BBX: variants seen among roughly 807,000 people sequenced by gnomAD.
BBX encodes HMG box transcription factor BBX.
A neutral mutation model predicts 100.2 loss-of-function variants in BBX; 30 were observed. That is an observed-to-expected ratio of 0.30 (90% CI 0.22 to 0.41). The LOEUF is 0.41. BBX is among the 10% of genes least tolerant of loss of function. BBX has a pLI of 1.00. For synonymous variants in BBX, 376 were observed against 388.1 expected (o/e 0.97, Z 0.37); for missense variants, 1,023 against 1,129.8 (o/e 0.91, Z 1.35).
chr3:107,680,490 C>A (rs923607251), intron 3 of BBX, among the ~76,000 whole-genome samples: 2 of 151,966 alleles, frequency 1.3e-5, no homozygotes, highest in African/African-American at 4.8e-5. Flanking sequence ...GGTGACAGAG[C>A]CAAATTTATG....
At chr3:107,532,775 A>G (rs923705591) in intron 2 of BBX, among the ~76,000 whole-genome samples, 1 of 152,212 alleles carries the variant, frequency 6.6e-6, no homozygotes, top group African/African-American at 2.4e-5. Context: ...ATCAAAATTA[A>G]GTGACTTTGG....
chr3:107,579,546 A>G (rs1358978632), intron 2 of BBX, among the ~76,000 whole-genome samples: 1 of 152,218 alleles, frequency 6.6e-6, no homozygotes, highest in Non-Finnish European at 1.5e-5. Flanking sequence ...GAAGGGTCAC[A>G]TTATTTGAGT....
chr3:107,537,144 C>T (rs1559786229), intron 2 of BBX, among the ~76,000 whole-genome samples: 1 of 152,146 alleles, frequency 6.6e-6, no homozygotes, highest in East Asian at 1.9e-4. Context: ...AGGCCACTGA[C>T]ATTTTTTGGA....
At chr3:107,778,978 T>C (rs2067564375) in intron 13 of BBX, among the ~76,000 whole-genome samples, 1 of 126,754 alleles carries the variant, frequency 7.9e-6, no homozygotes, top group Non-Finnish European at 1.7e-5. Flanking sequence ...TAAAACTACC[T>C]GAAATCCTCC....
chr3:107,627,494 G>T (rs2056264998), intron 2 of BBX, among the ~76,000 whole-genome samples: 1 of 152,180 alleles, frequency 6.6e-6, no homozygotes, highest in South Asian at 2.1e-4. Context: ...TTTGAGGCAA[G>T]AATATTGATA....
At chr3:107,578,098 T>C (rs530450719) in intron 2 of BBX, among the ~76,000 whole-genome samples, 1 of 152,198 alleles carries the variant, frequency 6.6e-6, no homozygotes, top group African/African-American at 2.4e-5. Context: ...GCAATTCAAG[T>C]TTTCAGAACT....
intron 15 of BBX, among the ~76,000 whole-genome samples, chr3:107,797,897 C>T (rs939451535): frequency 3.3e-5 from 5 of 152,178 alleles, no homozygotes; most frequent in Non-Finnish European, 7.4e-5. Flanking sequence ...TAAATTATCT[C>T]ACTAAGTGTA....
intron 2 of BBX, among the ~76,000 whole-genome samples, chr3:107,557,163 G>A (rs2050148454): frequency 6.6e-6 from 1 of 152,184 alleles, no homozygotes; most frequent in South Asian, 2.1e-4. Context: ...CATAGAAGTA[G>A]CATTTGAAAT....
At position 107,745,317 on chromosome 3, in the gene BBX, A is replaced by G. The variant is rs186435216; in HGVS notation, c.750+607A>G. On this transcript the variant is annotated intron_variant, in intron 8 of 17. Coordinates refer to ENST00000325805, the MANE Select transcript of BBX (RefSeq NM_001142568.3). ...ACTCTGGAACTCAATATGAGCCCTC[A>G]CTGATACATTTTTTTCTTAAACTTT... Among the ~76,000 whole-genome samples the G allele has an allele frequency of 6.6e-5, 10 of 152,234 alleles. 2 individuals are homozygous for G. The highest frequency in any genetic ancestry group is 1.9e-4 in the African/African-American group (8 of 41,542).
chr3:107,635,496 T>C (rs2056795238), intron 2 of BBX, among the ~76,000 whole-genome samples: 1 of 152,192 alleles, frequency 6.6e-6, no homozygotes, highest in Non-Finnish European at 1.5e-5. Context: ...AGTATTTGTG[T>C]TGAAACCTGA....
At position 107,738,771 on chromosome 3, in the gene BBX, G is replaced by A. The variant is rs80064232; in HGVS notation, c.669+5748G>A. 7.2e-3 allele frequency among the ~76,000 whole-genome samples: 1,100 copies of A among 152,226 alleles called. 15 individuals carry two copies. Among genetic ancestry groups the A allele is most frequent in the African/African-American group, 0.025 (1,055 of 41,526 alleles). On this transcript the variant is annotated intron_variant, in intron 7 of 17. Coordinates refer to ENST00000325805, the MANE Select transcript of BBX (RefSeq NM_001142568.3). ...CTGAAGCTCATCACTGCCAGAGCAG[G>A]GGCATTTTGTGAGTGCTTTCTGGGG... is the stretch of plus-strand genomic sequence containing the variant.
At chr3:107,530,126 T>C (rs1354333343) in intron 2 of BBX, among the ~76,000 whole-genome samples, 1 of 152,200 alleles carries the variant, frequency 6.6e-6, no homozygotes. Flanking sequence ...GTTTGGTGGC[T>C]CACACCTGTA....
intron 3 of BBX, among the ~76,000 whole-genome samples, chr3:107,707,778 AC>A (rs2061474655): frequency 6.6e-6 from 1 of 152,156 alleles, no homozygotes; most frequent in Non-Finnish European, 1.5e-5. Context: ...GATTCTTGAG[AC>A]CCTGTTTTTC....
At chr3:107,633,243 A>T (rs1041661153) in intron 2 of BBX, among the ~76,000 whole-genome samples, 6 of 152,130 alleles carry the variant, frequency 3.9e-5, no homozygotes, top group Non-Finnish European at 7.4e-5. Context: ...TTTGAATTTC[A>T]TATGTTAACA....
At chr3:107,717,948 AGGG>A in intron 5 of BBX, among the ~76,000 whole-genome samples, 1 of 152,146 alleles carries the variant, frequency 6.6e-6, no homozygotes, top group Middle Eastern at 3.4e-3. Context: ...ATGAACCAGC[AGGG>A]GACAAAATAC....
Position 107,610,788 on chromosome 3 carries a change from GTT to G in BBX, c.-83-35037_-83-35036del, listed in dbSNP as rs1265866315. Among the ~76,000 whole-genome samples the G allele has an allele frequency of 2.0e-4, 28 of 139,904 alleles. No individual in the cohort carries two copies. In the East Asian group the frequency reaches 5.8e-3, roughly 29 times the overall value. The allele number at this position is 139,904 out of a possible 152,430, so 91.8% of individuals were successfully genotyped here. On this transcript the variant is annotated intron_variant, in intron 2 of 17. Coordinates refer to ENST00000325805, the MANE Select transcript of BBX (RefSeq NM_001142568.3). ...TCTTATAGGCAACAGATCATTGGGT[GTT>G]TTTTTTTTTTAAGCATTTAATCACT... is the stretch of plus-strand genomic sequence containing the variant.
chr3:107,765,190 G>T (rs1314999117), intron 10 of BBX, among the ~76,000 whole-genome samples: 2 of 152,182 alleles, frequency 1.3e-5, no homozygotes, highest in Non-Finnish European at 2.9e-5. Flanking sequence ...TATGGCATAA[G>T]GCTCCAGAGG....
chr3:107,718,155 AATT>A (rs1576483245), intron 5 of BBX, among the ~76,000 whole-genome samples: 2 of 148,902 alleles, frequency 1.3e-5, no homozygotes, highest in Non-Finnish European at 3.0e-5. Flanking sequence ...TGCTACTAAA[AATT>A]ATTAATAATT....
At chr3:107,571,716 C>T (rs1002983754) in intron 2 of BBX, among the ~76,000 whole-genome samples, 1 of 152,336 alleles carries the variant, frequency 6.6e-6, no homozygotes, top group South Asian at 2.1e-4. Flanking sequence ...CCAAATGTCA[C>T]GCGAGTCTAT....
Sources: gnomAD v4.1 joint callset for allele counts (sites outside exome capture counted in the v4.1 genomes callset) on GRCh38, gnomAD v4.1.1 for gene constraint, MANE v1.5 for transcripts, NCBI Gene and HGNC (gene_info 2026-07-23, HGNC 2026-07-21) for gene names.